WDR27: variants seen among roughly 807,000 people sequenced by gnomAD.
The protein encoded by WDR27 is WD repeat-containing protein 27.
Under a neutral mutation model 114.4 loss-of-function variants are expected in WDR27, and 100 were observed. The observed-to-expected ratio is 0.87, with a 90% CI of 0.74 to 1.03. WDR27 has a LOEUF of 1.03. WDR27 is among the 50% of genes least tolerant of loss of function. The pLI is 0.00. For synonymous variants in WDR27, 449 were observed against 423.1 expected (o/e 1.06, Z -0.75); for missense variants, 1,129 against 1,092.9 (o/e 1.03, Z -0.47).
chr6:169,678,592 G>T (rs1243193697), intron 2 of WDR27, among the ~76,000 whole-genome samples: 1 of 152,166 alleles, frequency 6.6e-6, no homozygotes, highest in Non-Finnish European at 1.5e-5. Context: ...AGTTAAGGCT[G>T]AGGATTAAGC....
intron 23 of WDR27, among the ~76,000 whole-genome samples, chr6:169,586,874 A>AAAAG (rs1804733958): frequency 6.8e-6 from 1 of 146,700 alleles, no homozygotes. Context: ...AAAAAAAAAA[A>AAAAG]GGCAGTCGCT....
intron 18 of WDR27, among the ~76,000 whole-genome samples, chr6:169,637,893 C>T (rs1433730609): frequency 6.6e-6 from 1 of 151,820 alleles, no homozygotes; most frequent in Non-Finnish European, 1.5e-5. Context: ...TATGTGTATG[C>T]ATCTATATGC....
At chr6:169,463,001 T>G (rs1785104367) in intron 25 of WDR27, among the ~76,000 whole-genome samples, 2 of 152,216 alleles carry the variant, frequency 1.3e-5, no homozygotes, top group Non-Finnish European at 2.9e-5. Flanking sequence ...CTTCATTTTG[T>G]GCTGCTATAA....
At chr6:169,479,501 C>A (rs772620930) in intron 25 of WDR27, among the ~76,000 whole-genome samples, 2 of 152,154 alleles carry the variant, frequency 1.3e-5, no homozygotes, top group Non-Finnish European at 2.9e-5. Flanking sequence ...GCACTCCAGA[C>A]AGGAGCATCC....
Position 169,647,754 on chromosome 6 carries a change from C to T in WDR27, c.1657+19G>A, listed in dbSNP as rs867489673. On this transcript the variant is annotated intron_variant, in intron 16 of 25. Coordinates refer to ENST00000448612, the MANE Select transcript of WDR27 (RefSeq NM_182552.5). Reference sequence around the variant, plus strand: ...TCTTACAATGAAATGCTACCCAGCTCCCGCAGGACGTGGCGCACCTGAGTA... The same window carrying T: ...TCTTACAATGAAATGCTACCCAGCTTCCGCAGGACGTGGCGCACCTGAGTA... 1.6e-5 allele frequency: 25 copies of T among 1,554,920 alleles called. 1 individual carries two copies. In the Middle Eastern group the frequency reaches 1.0e-3, roughly 62 times the overall value.
intron 22 of WDR27, among the ~76,000 whole-genome samples, chr6:169,604,105 AG>A (rs1353889347): frequency 2.0e-5 from 3 of 152,334 alleles, no homozygotes; most frequent in Non-Finnish European, 1.5e-5. Context: ...GAAATTTAAA[AG>A]ACCAGAGCAG....
At chr6:169,563,347 C>T (rs1242465896) in intron 25 of WDR27, among the ~76,000 whole-genome samples, 3 of 152,230 alleles carry the variant, frequency 2.0e-5, no homozygotes, top group Non-Finnish European at 1.5e-5. Context: ...CGCGTGAGTC[C>T]TGACGGGAGC....
chr6:169,510,174 C>T (rs2115525651), intron 25 of WDR27, among the ~76,000 whole-genome samples: 1 of 152,316 alleles, frequency 6.6e-6, no homozygotes, highest in East Asian at 1.9e-4. Context: ...CACTTTTACA[C>T]TGTTGGTGGG....
chr6:169,480,963 C>T (rs560817873), intron 25 of WDR27, among the ~76,000 whole-genome samples: 13 of 151,672 alleles, frequency 8.6e-5, no homozygotes, highest in Non-Finnish European at 1.9e-4. Flanking sequence ...ATGCACCAAT[C>T]AGCACTCTGT....
intron 25 of WDR27, among the ~76,000 whole-genome samples, chr6:169,479,270 C>T (rs368426141): frequency 1.3e-5 from 2 of 151,986 alleles, no homozygotes; most frequent in African/African-American, 4.8e-5. Flanking sequence ...AAGTGGCCAA[C>T]AAACAAATGA....
chr6:169,543,151 A>C (rs1045484823), intron 25 of WDR27, among the ~76,000 whole-genome samples: 4 of 152,140 alleles, frequency 2.6e-5, no homozygotes, highest in Non-Finnish European at 5.9e-5. Flanking sequence ...AATATATAGT[A>C]TTTTACATAT....
intron 1 of WDR27, among the ~76,000 whole-genome samples, chr6:169,695,460 T>C (rs1182162551): frequency 2.6e-5 from 4 of 152,220 alleles, no homozygotes; most frequent in South Asian, 4.1e-4. Context: ...AAAATTTCTT[T>C]CAAGTAACTG....
At chr6:169,510,980 G>T (rs1025015554) in intron 25 of WDR27, among the ~76,000 whole-genome samples, 1 of 152,134 alleles carries the variant, frequency 6.6e-6, no homozygotes, top group South Asian at 2.1e-4. Flanking sequence ...ACTAACGTTT[G>T]AATCACAAGC....
At chr6:169,520,925 T>C (rs1364082967) in intron 25 of WDR27, among the ~76,000 whole-genome samples, 1 of 152,172 alleles carries the variant, frequency 6.6e-6, no homozygotes. Context: ...ATTATTAGTG[T>C]TCAAGTTGAA....
At position 169,638,594 on chromosome 6, in the gene WDR27, C is replaced by T. The variant is rs565894567; in HGVS notation, c.1814G>A (p.Arg605Gln). The change falls in exon 18 of 26, where the codon CGG (arginine) becomes CAG (glutamine). Residue 605 changes from arginine (R) to glutamine (Q), a missense_variant. By Grantham distance (43) the Arg-to-Gln change is conservative. Transcript: ENST00000448612. ...QDRRWLLSAA[R>Q]DGTLRMWSAR... The stretch of plus-strand genomic sequence containing the variant: ...CGACCACATTCGCAGGGTCCCGTCC[C>T]GGGCCGCAGAGAGCAGCCACCTCCG... 1.3e-5 allele frequency: 21 copies of T among 1,609,262 alleles called. No individual in the cohort carries two copies. Among genetic ancestry groups the T allele is most frequent in the South Asian group, 1.1e-4 (10 of 90,016 alleles).
At chr6:169,426,510 G>A in the WDR27 span, 3 of 152,136 alleles carry the variant, frequency 2.0e-5, no homozygotes, top group African/African-American at 4.8e-5. Flanking sequence ...ATGTCCATCA[G>A]AGCTATAAAA....
intron 25 of WDR27, among the ~76,000 whole-genome samples, chr6:169,502,922 C>T (rs1791523272): frequency 6.6e-6 from 1 of 152,308 alleles, no homozygotes; most frequent in South Asian, 2.1e-4. Context: ...ACCACTTCTT[C>T]TATAGGCTTC....
In WDR27 at chr6:169,659,639, AC is replaced by A; in HGVS notation, c.1130-122del. ...GCCCACCACACACAGTCCAGGCCCC[AC>A]CACACACTTTGCAGGCTGTGCACCA... is the stretch of plus-strand genomic sequence containing the variant. On this transcript the variant is annotated intron_variant, in intron 10 of 25. Transcript: ENST00000448612. The surrounding 1 kb of genome is among the most constrained non-coding windows in gnomAD (Gnocchi z 4.3). 1 of 889,190 alleles carries A rather than the reference AC, an allele frequency of 1.1e-6. No individual in the cohort carries two copies. The highest frequency in any genetic ancestry group is 1.8e-6 in the Non-Finnish European group (1 of 563,802). 55.1% of individuals were successfully genotyped at this position (889,190 alleles called of 1,614,324 possible).
chr6:169,653,950 G>A (rs1823303544), intron 13 of WDR27, among the ~76,000 whole-genome samples: 1 of 152,232 alleles, frequency 6.6e-6, no homozygotes, highest in Admixed American at 6.5e-5. Context: ...GAGTGACCTT[G>A]ACAAGTGGCT....
Sources: gnomAD v4.1 joint callset for allele counts (sites outside exome capture counted in the v4.1 genomes callset) on GRCh38, gnomAD v4.1.1 for gene constraint, Gnocchi (gnomAD v3.1) non-coding constraint, MANE v1.5 for transcripts, NCBI Gene and HGNC (gene_info 2026-07-23, HGNC 2026-07-21) for gene names.